NALCN: variants seen among roughly 807,000 people sequenced by gnomAD.
The protein encoded by NALCN is sodium leak channel, non-selective, also known as sodium leak channel NALCN.
NALCN carries 111 observed loss-of-function variants against 225.3 expected under a neutral mutation model. The observed-to-expected ratio is 0.49, with a 90% CI of 0.42 to 0.58. The LOEUF is 0.58. Among genes scored for constraint, NALCN ranks in the 20% least tolerant of loss-of-function variants. The pLI is 0.00. For synonymous variants in NALCN, 764 were observed against 769.0 expected, an observed-to-expected ratio of 0.99 and a Z score of 0.11; for missense variants, 1,378 against 2,202.4, an observed-to-expected ratio of 0.63 and a Z score of 7.49.
At chr13:101,064,873 G>A (rs1209519343) in intron 40 of NALCN, among the ~76,000 whole-genome samples, 2 of 152,180 alleles carry the variant, frequency 1.3e-5, no homozygotes, top group East Asian at 1.9e-4. Flanking sequence ...AGAAAAGGCA[G>A]AGACTCCATT....
chr13:101,160,417 G>A (rs989425743), intron 15 of NALCN, among the ~76,000 whole-genome samples: 13 of 152,182 alleles, frequency 8.5e-5, no homozygotes, highest in African/African-American at 2.7e-4. Flanking sequence ...CAAGCGTGGG[G>A]AGGAGGGGCA....
At chr13:101,343,662 T>C (rs951052994) in intron 7 of NALCN, among the ~76,000 whole-genome samples, 2 of 152,208 alleles carry the variant, frequency 1.3e-5, no homozygotes. Flanking sequence ...AGTACAGCTA[T>C]AGTAAGATAA....
intron 7 of NALCN, among the ~76,000 whole-genome samples, chr13:101,298,345 G>A (rs749098951): frequency 5.5e-5 from 8 of 145,442 alleles, no homozygotes; most frequent in Admixed American, 2.7e-4. Flanking sequence ...TTTTTGAGAC[G>A]GTGTCTTGCT....
chr13:101,146,814 C>T (rs925251253), intron 15 of NALCN, among the ~76,000 whole-genome samples: 6 of 151,958 alleles, frequency 3.9e-5, no homozygotes, highest in African/African-American at 1.5e-4. Context: ...TCACGGAGCC[C>T]ACAGTATAAC....
At chr13:101,267,026 C>G (rs1428797953) in intron 10 of NALCN, among the ~76,000 whole-genome samples, 1 of 152,134 alleles carries the variant, frequency 6.6e-6, no homozygotes, top group African/African-American at 2.4e-5. Context: ...GAAGGGAATC[C>G]ACATGTCCAT....
At chr13:101,217,639 T>C (rs185270641) in intron 13 of NALCN, among the ~76,000 whole-genome samples, 14 of 152,134 alleles carry the variant, frequency 9.2e-5, no homozygotes, top group African/African-American at 3.4e-4. Flanking sequence ...CTCTTGGAGG[T>C]GTAAGGAATG....
chr13:101,415,672 C>G (rs2047922847), intron 1 of NALCN, among the ~76,000 whole-genome samples: 1 of 152,180 alleles, frequency 6.6e-6, no homozygotes, highest in Non-Finnish European at 1.5e-5. Context: ...TTCGGTGTAG[C>G]CACCCTAATG....
chr13:101,395,166 G>T lies in NALCN; in HGVS notation c.291+17C>A, dbSNP rs759744296. On this transcript the variant is annotated intron_variant, in intron 3 of 43. Transcript: ENST00000251127. ...ACACATTTAGGTTCTTAGTTTAAATGACATGGAAGTGCTCACCTTGACAAT... is the reference window on the plus strand; with the variant it reads ...ACACATTTAGGTTCTTAGTTTAAATTACATGGAAGTGCTCACCTTGACAAT... The T allele has an allele frequency of 1.9e-6, 3 of 1,601,282 alleles. No individual in the cohort carries two copies. The highest frequency in any genetic ancestry group is 1.1e-5 in the South Asian group (1 of 88,936).
chr13:101,407,195 A>C (rs1007998725), intron 1 of NALCN, among the ~76,000 whole-genome samples: 1 of 152,202 alleles, frequency 6.6e-6, no homozygotes, highest in East Asian at 1.9e-4. Context: ...CTCTAACAAA[A>C]GTTTATCAAG....
chr13:101,111,208 G>T lies in NALCN; in HGVS notation c.2211C>A (p.Arg737=). ...GCCCCTCAAATGATCCGCTCAGCAT[G>T]CGCTGTCGGGTGCAAGCTCTAGGAA... ...TKILRACTRQ[R]MLSGSFEGQP... The change falls in exon 19 of 44, where the codon CGC becomes CGA. Residue 737 remains arginine, a synonymous_variant. Transcript: ENST00000251127. The T allele has an allele frequency of 6.3e-7, 1 of 1,596,758 alleles. No homozygotes were observed. The highest frequency in any genetic ancestry group is 8.6e-7 in the Non-Finnish European group (1 of 1,167,758).
rs2045991782 is a variant in NALCN, at chr13:101,354,441, C to T, written c.645-9021G>A. Among the ~76,000 whole-genome samples, 3 of 152,260 alleles carry T rather than the reference C, an allele frequency of 2.0e-5. No homozygotes were observed. The South Asian group carries it at 6.2e-4, about 32-fold the overall frequency. On this transcript the variant is annotated intron_variant, in intron 6 of 43. Transcript: ENST00000251127. ...AACCGTTTGAGGTTATAAGGCAGTC[C>T]ACTGTCTTTGACTTTTAAAATCTGG...
chr13:101,384,343 C>A (rs1320546723), intron 3 of NALCN, among the ~76,000 whole-genome samples: 2 of 152,014 alleles, frequency 1.3e-5, no homozygotes, highest in Non-Finnish European at 2.9e-5. Context: ...GAGAGGAGTG[C>A]TTCAAGAGCT....
intron 7 of NALCN, among the ~76,000 whole-genome samples, chr13:101,334,507 T>C (rs1008657932): frequency 3.2e-5 from 3 of 93,346 alleles, no homozygotes; most frequent in African/African-American, 1.7e-4. Flanking sequence ...TTCAGAAGAG[T>C]ACAGAGTACG....
intron 33 of NALCN, among the ~76,000 whole-genome samples, chr13:101,082,487 T>C (rs597294): frequency 0.47 from 72,186 of 152,008 alleles, 17,478 homozygotes; most frequent in East Asian, 0.57. Context: ...GGCCAACTTG[T>C]TTTGCGTCTC....
intron 17 of NALCN, among the ~76,000 whole-genome samples, chr13:101,129,735 G>C (rs1594267942): frequency 2.0e-5 from 2 of 101,012 alleles, no homozygotes; most frequent in African/African-American, 7.6e-5. Context: ...TTTTTTTTTA[G>C]TTATACTTTA....
intron 41 of NALCN, among the ~76,000 whole-genome samples, chr13:101,060,845 G>A (rs930357875): frequency 6.6e-6 from 1 of 152,292 alleles, no homozygotes; most frequent in South Asian, 2.1e-4. Flanking sequence ...GCCAGAGGAG[G>A]ACAGATTGAT....
chr13:101,371,036 A>G (rs781718055), intron 6 of NALCN, among the ~76,000 whole-genome samples: 1 of 152,190 alleles, frequency 6.6e-6, no homozygotes, highest in Non-Finnish European at 1.5e-5. Context: ...GGCTTTATTC[A>G]GTCATCATAA....
chr13:101,178,259 C>A (rs1048713016), intron 14 of NALCN, among the ~76,000 whole-genome samples: 16 of 152,192 alleles, frequency 1.1e-4, no homozygotes, highest in African/African-American at 3.6e-4. Context: ...TCTTATACCC[C>A]TTCTCTCACA....
At chr13:101,074,802 G>A in intron 35 of NALCN, 140 bp from the exon 36 acceptor site, 2 of 997,296 alleles carry the variant, frequency 2.0e-6, no homozygotes, top group Non-Finnish European at 2.8e-6. Flanking sequence ...AAGCAGATTG[G>A]CTCAAAATCA....
Sources: gnomAD v4.1 joint callset for allele counts (sites outside exome capture counted in the v4.1 genomes callset) on GRCh38, gnomAD v4.1.1 for gene constraint, MANE v1.5 for transcripts, NCBI Gene and HGNC (gene_info 2026-07-23, HGNC 2026-07-21) for gene names.